PATJ: variants seen among roughly 807,000 people sequenced by gnomAD.
PATJ encodes the protein inaD-like protein.
PATJ carries 190 observed loss-of-function variants against 224.9 expected under a neutral mutation model. The observed-to-expected ratio is 0.84, with a 90% CI of 0.75 to 0.95. The LOEUF (loss-of-function observed/expected upper bound fraction) is 0.95. Ranked by LOEUF, PATJ falls within the 40% of genes least tolerant of loss-of-function variation. The probability of loss-of-function intolerance (pLI) is 0.00; values close to 1 mark genes in which losing one functional copy is unlikely to be tolerated. For synonymous variants in PATJ, 769 were observed against 820.3 expected (o/e 0.94, Z 1.07); for missense variants, 2,121 against 2,270.3 (o/e 0.93, Z 1.34).
At chr1:61,756,064 A>T (rs1645622286) in intron 1 of PATJ, among the ~76,000 whole-genome samples, 1 of 152,164 alleles carries the variant, frequency 6.6e-6, no homozygotes, top group African/African-American at 2.4e-5. Context: ...AACTGCTGGG[A>T]TTGCAGGCGT....
intron 27 of PATJ, among the ~76,000 whole-genome samples, chr1:61,963,930 A>G (rs1294398677): frequency 1.3e-5 from 2 of 152,086 alleles, no homozygotes; most frequent in Non-Finnish European, 2.9e-5. Flanking sequence ...CCTATATAGT[A>G]TTTTGATTCT....
intron 1 of PATJ, among the ~76,000 whole-genome samples, chr1:61,749,002 C>T (rs187599011): frequency 4.0e-5 from 6 of 150,564 alleles, no homozygotes; most frequent in African/African-American, 1.2e-4. Flanking sequence ...TTTTTTTTCT[C>T]CTGAGATGGA....
intron 21 of PATJ, 198 bp downstream of exon 21, chr1:61,875,564 TTCTG>T (rs1257253471): frequency 4.7e-6 from 2 of 424,148 alleles, no homozygotes; most frequent in Non-Finnish European, 8.5e-6. Context: ...AGTTTTCAGA[TTCTG>T]TTTTTTGAGA....
At chr1:61,941,733 T>A (rs955331102) in intron 27 of PATJ, among the ~76,000 whole-genome samples, 5 of 152,226 alleles carry the variant, frequency 3.3e-5, no homozygotes, top group African/African-American at 4.8e-5. Context: ...CTTAACTTTT[T>A]AATAAATTTT....
intron 41 of PATJ, among the ~76,000 whole-genome samples, chr1:62,139,243 A>C (rs142702439): frequency 0.013 from 2,016 of 152,046 alleles, 22 homozygotes; most frequent in Non-Finnish European, 0.022. Flanking sequence ...TCTACCAAAA[A>C]TTCAAAAAAT....
intron 28 of PATJ, among the ~76,000 whole-genome samples, chr1:62,011,317 T>A (rs748469579): frequency 6.6e-6 from 1 of 152,244 alleles, no homozygotes; most frequent in Non-Finnish European, 1.5e-5. Flanking sequence ...AAGTGAGAGA[T>A]GTGGGACTCT....
At chr1:62,109,565 C>T (rs548511624) in intron 34 of PATJ, among the ~76,000 whole-genome samples, 13 of 152,344 alleles carry the variant, frequency 8.5e-5, no homozygotes, top group Admixed American at 7.8e-4. Context: ...AGCAAGACCT[C>T]TCTGGGAGCT....
chr1:61,911,695 T>TATATATATATATATATATA (rs1672666028), intron 25 of PATJ, among the ~76,000 whole-genome samples: 8 of 140,610 alleles, frequency 5.7e-5, no homozygotes, highest in Non-Finnish European at 9.2e-5. Flanking sequence ...CTATATATTT[T>TATATATATATATATATATA]TATATATATA....
chr1:61,912,034 T>TTTTGAAATC (rs1672739921), intron 25 of PATJ, among the ~76,000 whole-genome samples: 1 of 55,150 alleles, frequency 1.8e-5, no homozygotes, highest in South Asian at 7.7e-4. Context: ...ATTAAAAAAT[T>TTTTGAAATC]GGATATCTTC....
At chr1:62,056,034 G>A (rs1254096986) in intron 31 of PATJ, among the ~76,000 whole-genome samples, 1 of 152,172 alleles carries the variant, frequency 6.6e-6, no homozygotes, top group East Asian at 1.9e-4. Flanking sequence ...TCAGAAAAGA[G>A]CGAATTCACC....
At chr1:61,945,621 A>G (rs1290910888) in intron 27 of PATJ, among the ~76,000 whole-genome samples, 4 of 152,134 alleles carry the variant, frequency 2.6e-5, no homozygotes, top group Non-Finnish European at 4.4e-5. Context: ...CTCCCACACA[A>G]TAATAGTGGG....
chr1:61,819,104 C>CT (rs1487941612), intron 14 of PATJ, among the ~76,000 whole-genome samples: 2 of 152,126 alleles, frequency 1.3e-5, no homozygotes, highest in Admixed American at 1.3e-4. Flanking sequence ...CCCCAGTAGG[C>CT]TTTTTTGTAG....
intron 41 of PATJ, among the ~76,000 whole-genome samples, chr1:62,134,330 C>CTTTTTTTTTTTTTTTTTTTT (rs779235130): frequency 1.0e-5 from 1 of 96,518 alleles, no homozygotes; most frequent in Non-Finnish European, 1.9e-5. Context: ...CCAGCCCTCT[C>CTTTTTTTTTTTTTTTTTTTT]TTTTTTTTTT....
At position 62,029,969 on chromosome 1, in the gene PATJ, G is replaced by A. The variant is rs553328611; in HGVS notation, c.3960-8008G>A. The stretch of plus-strand genomic sequence containing the variant: ...TTGATGTTGGGTTATTTTCAGGCTC[G>A]GTTCCAGTGGGTAGTTTTCACAGTT... On this transcript the variant is annotated intron_variant, in intron 29 of 43. Coordinates refer to ENST00000642238, the MANE Select transcript of PATJ (RefSeq NM_001350145.3). Among the ~76,000 whole-genome samples the A allele has an allele frequency of 4.6e-5, 7 of 152,268 alleles. No homozygotes were observed. The East Asian group carries it at 9.6e-4, about 21-fold the overall frequency.
At chr1:61,770,651 G>T (rs1646547348) in intron 5 of PATJ, among the ~76,000 whole-genome samples, 1 of 151,998 alleles carries the variant, frequency 6.6e-6, no homozygotes, top group African/African-American at 2.4e-5. Flanking sequence ...GATTAAAAGG[G>T]CTCAGATTGG....
At chr1:61,980,351 A>G (rs1183888834) in intron 27 of PATJ, among the ~76,000 whole-genome samples, 1 of 151,888 alleles carries the variant, frequency 6.6e-6, no homozygotes, top group Admixed American at 6.6e-5. Flanking sequence ...TTTTACAAAT[A>G]TTTCCCAGAA....
chr1:62,121,610 C>T (rs1665058379), intron 38 of PATJ, among the ~76,000 whole-genome samples: 1 of 149,932 alleles, frequency 6.7e-6, no homozygotes, highest in South Asian at 2.1e-4. Context: ...TATTAAAATA[C>T]AAAAAAAAAT....
intron 29 of PATJ, among the ~76,000 whole-genome samples, chr1:62,020,735 A>G (rs1647029915): frequency 6.6e-6 from 1 of 152,224 alleles, no homozygotes; most frequent in Admixed American, 6.5e-5. Context: ...GTATCAATGT[A>G]CATTTAAAAT....
intron 3 of PATJ, among the ~76,000 whole-genome samples, chr1:61,766,075 T>C (rs181510873): frequency 1.3e-5 from 2 of 152,326 alleles, no homozygotes; most frequent in East Asian, 3.9e-4. Context: ...GAACAAATTT[T>C]AAGCTATTAA....
Sources: gnomAD v4.1 joint callset for allele counts (sites outside exome capture counted in the v4.1 genomes callset) on GRCh38, gnomAD v4.1.1 for gene constraint, MANE v1.5 for transcripts, NCBI Gene and HGNC (gene_info 2026-07-23, HGNC 2026-07-21) for gene names.